Variants in CADM2 observed in about 807,000 individuals in gnomAD.
CADM2 encodes the protein immunoglobulin superfamily member 4D.
CADM2 carries 12 observed loss-of-function variants against 49.8 expected under a neutral mutation model. The observed-to-expected ratio is 0.24, with a 90% CI of 0.15 to 0.39. The LOEUF is 0.39. CADM2 is among the 10% of genes least tolerant of loss of function. The probability of loss-of-function intolerance (pLI) is 1.00; values close to 1 mark genes in which losing one functional copy is unlikely to be tolerated. For missense variants in CADM2, 378 were observed against 492.3 expected, an observed-to-expected ratio of 0.77 and a Z score of 2.20; for synonymous variants, 214 against 175.4, an observed-to-expected ratio of 1.22 and a Z score of -1.74.
intron 1 of CADM2, among the ~76,000 whole-genome samples, chr3:85,584,515 G>A (rs547396146): frequency 1.3e-5 from 2 of 151,998 alleles, no homozygotes; most frequent in South Asian, 4.2e-4. Flanking sequence ...CGTCAAAAGG[G>A]GATAATTAAA....
intron 7 of CADM2, among the ~76,000 whole-genome samples, chr3:85,945,975 G>A (rs1722638062): frequency 6.6e-6 from 1 of 152,074 alleles, no homozygotes; most frequent in African/African-American, 2.4e-5. Flanking sequence ...GTTAGGAAAA[G>A]AGGAAGTCAA....
chr3:85,988,961 C>A (rs1376837396), intron 8 of CADM2, among the ~76,000 whole-genome samples: 1 of 152,082 alleles, frequency 6.6e-6, no homozygotes, highest in Non-Finnish European at 1.5e-5. Flanking sequence ...AACATTTAAA[C>A]CAATTTTGAT....
intron 1 of CADM2, among the ~76,000 whole-genome samples, chr3:85,587,710 A>G (rs997245179): frequency 2.0e-5 from 3 of 151,972 alleles, no homozygotes; most frequent in Non-Finnish European, 4.4e-5. Flanking sequence ...AACAAGAAAC[A>G]TTGTGTCCAT....
At chr3:85,015,507 C>A (rs367754313) in intron 1 of CADM2, among the ~76,000 whole-genome samples, 3 of 152,076 alleles carry the variant, frequency 2.0e-5, no homozygotes, top group African/African-American at 4.8e-5. Flanking sequence ...ATATTGAATG[C>A]CCTTCTGTAT....
At chr3:85,452,373 T>C (rs1334605835) in intron 1 of CADM2, among the ~76,000 whole-genome samples, 1 of 152,084 alleles carries the variant, frequency 6.6e-6, no homozygotes, top group African/African-American at 2.4e-5. Flanking sequence ...ATAGCAAAAA[T>C]GGAGATTTAA....
intron 1 of CADM2, among the ~76,000 whole-genome samples, chr3:85,067,618 A>G (rs1344027265): frequency 6.6e-6 from 1 of 152,084 alleles, no homozygotes; most frequent in Non-Finnish European, 1.5e-5. Context: ...CTAATGCTCA[A>G]TTACGAATGA....
rs200200733 is a variant in CADM2, at chr3:85,568,407, C to CTT, written c.62-158113_62-158112dup. Among the ~76,000 whole-genome samples, 205 of 28,230 alleles carry CTT rather than the reference C, an allele frequency of 7.3e-3. 21 individuals carry two copies. In the East Asian group the frequency reaches 0.084, roughly 12 times the overall value. The allele number at this position is 28,230 out of a possible 152,430, so 18.5% of individuals were successfully genotyped here. ...ATCTTTCCTTCCTCCCTCTTTCTTT[C>CTT]TTTCTTTCTTTCTTTCTTTCTTTCT... On this transcript the variant is annotated intron_variant, in intron 1 of 9. Coordinates refer to ENST00000383699, the MANE Select transcript of CADM2 (RefSeq NM_001167675.2).
chr3:85,395,665 G>A (rs1576476478), intron 1 of CADM2, among the ~76,000 whole-genome samples: 1 of 152,096 alleles, frequency 6.6e-6, no homozygotes, highest in East Asian at 1.9e-4. Flanking sequence ...TATGAGATCA[G>A]CATTTCATAT....
At chr3:85,025,099 A>G (rs527512094) in intron 1 of CADM2, among the ~76,000 whole-genome samples, 1 of 152,246 alleles carries the variant, frequency 6.6e-6, no homozygotes, top group East Asian at 1.9e-4. Flanking sequence ...ATATAATTAC[A>G]CTACTTAACA....
At position 85,999,267 on chromosome 3, in the gene CADM2, G is replaced by GC. The variant is rs199533969; in HGVS notation, c.970+37620_970+37621insC. On this transcript the variant is annotated intron_variant, in intron 8 of 9. Coordinates refer to ENST00000383699, the MANE Select transcript of CADM2 (RefSeq NM_001167675.2). Reference sequence around the variant, plus strand: ...TAATCCCATCACTTTGGGAGGCCGAGGGTTGGGGGGTGGATCACTTGAGTT... The same window carrying GC: ...TAATCCCATCACTTTGGGAGGCCGAGCGGTTGGGGGGTGGATCACTTGAGTT... Among the ~76,000 whole-genome samples, 936 of 132,974 alleles carry GC rather than the reference G, an allele frequency of 7.0e-3. 16 individuals carry two copies. The highest frequency in any genetic ancestry group is 0.053 in the East Asian group (256 of 4,790). 87.2% of individuals were successfully genotyped at this position (132,974 alleles called of 152,430 possible). A position where few individuals can be genotyped will look rare whatever the true frequency, so the allele number is the denominator to read the frequency against.
chr3:85,847,041 TCA>T (rs1330879686), intron 3 of CADM2, among the ~76,000 whole-genome samples: 1 of 152,170 alleles, frequency 6.6e-6, no homozygotes, highest in African/African-American at 2.4e-5. Context: ...TATTTGCAAG[TCA>T]CAGTGTTTTC....
chr3:85,530,915 A>AC lies in CADM2; in HGVS notation c.62-195607_62-195606insC, dbSNP rs1553737337. 9.7e-4 allele frequency among the ~76,000 whole-genome samples: 99 copies of AC among 102,484 alleles called. 1 individual carries two copies. Among genetic ancestry groups the AC allele is most frequent in the Middle Eastern group, 4.5e-3 (1 of 224 alleles). The allele number at this position is 102,484 out of a possible 152,430, so 67.2% of individuals were successfully genotyped here. A position where few individuals can be genotyped will look rare whatever the true frequency, so the allele number is the denominator to read the frequency against. ...ACACACACACACACACACACACACA[A>AC]AATTCATTATTGTGGAATGTCAGGG... On this transcript the variant is annotated intron_variant, in intron 1 of 9. Coordinates refer to ENST00000383699, the MANE Select transcript of CADM2 (RefSeq NM_001167675.2).
chr3:85,581,785 A>C (rs774639614), intron 1 of CADM2, among the ~76,000 whole-genome samples: 1 of 152,072 alleles, frequency 6.6e-6, no homozygotes, highest in Non-Finnish European at 1.5e-5. Flanking sequence ...AGACATTATC[A>C]GACATCTTAA....
intron 1 of CADM2, among the ~76,000 whole-genome samples, chr3:85,023,371 T>C (rs1559622031): frequency 6.6e-6 from 1 of 152,064 alleles, no homozygotes; most frequent in Non-Finnish European, 1.5e-5. Context: ...AACATGCTTT[T>C]TATTTGTGAT....
At chr3:85,983,321 T>C (rs1316289715) in intron 8 of CADM2, among the ~76,000 whole-genome samples, 1 of 151,656 alleles carries the variant, frequency 6.6e-6, no homozygotes, top group Non-Finnish European at 1.5e-5. Context: ...AATAAGGATG[T>C]TAAAACACAG....
intron 1 of CADM2, among the ~76,000 whole-genome samples, chr3:85,218,977 A>G (rs903586903): frequency 6.6e-6 from 1 of 152,176 alleles, no homozygotes; most frequent in Non-Finnish European, 1.5e-5. Flanking sequence ...TTTAGCTCTA[A>G]AGCCATGATT....
At chr3:85,049,365 T>TTATTTATTTATG in intron 1 of CADM2, among the ~76,000 whole-genome samples, 1 of 144,014 alleles carries the variant, frequency 6.9e-6, no homozygotes, top group East Asian at 1.9e-4. Context: ...ATTTATTTAT[T>TTATTTATTTATG]TTTGAGATGG....
At chr3:85,479,626 G>C (rs754411967) in intron 1 of CADM2, among the ~76,000 whole-genome samples, 3 of 151,820 alleles carry the variant, frequency 2.0e-5, no homozygotes, top group Non-Finnish European at 4.4e-5. Context: ...TTCTCTCTTG[G>C]ATTGAATCTA....
chr3:85,557,001 T>G (rs1311226466), intron 1 of CADM2, among the ~76,000 whole-genome samples: 1 of 152,084 alleles, frequency 6.6e-6, no homozygotes, highest in Non-Finnish European at 1.5e-5. Context: ...TTTAATACCA[T>G]TTTTATGTCA....
Sources: gnomAD v4.1 joint callset for allele counts (sites outside exome capture counted in the v4.1 genomes callset) on GRCh38, gnomAD v4.1.1 for gene constraint, MANE v1.5 for transcripts, NCBI Gene and HGNC (gene_info 2026-07-23, HGNC 2026-07-21) for gene names.